PODXL2: variants seen among roughly 807,000 people sequenced by gnomAD.
The protein encoded by PODXL2 is podocalyxin like 2.
In PODXL2, 17 loss-of-function variants were observed where a neutral mutation model predicts 53.4. The ratio of observed to expected loss-of-function variants is 0.32; its 90% confidence interval spans 0.22 to 0.48. The LOEUF (loss-of-function observed/expected upper bound fraction) is 0.48. Among genes scored for constraint, PODXL2 ranks in the 20% least tolerant of loss-of-function variants. The pLI, the probability that PODXL2 is intolerant of heterozygous loss-of-function variation, is 0.99. For synonymous variants in PODXL2, 311 were observed against 306.7 expected, an observed-to-expected ratio of 1.01 and a Z score of -0.15; for missense variants, 673 against 760.0, an observed-to-expected ratio of 0.89 and a Z score of 1.35.
intron 1 of PODXL2, among the ~76,000 whole-genome samples, chr3:127,638,025 T>C (rs1054756570): frequency 6.6e-6 from 1 of 151,884 alleles, no homozygotes; most frequent in Non-Finnish European, 1.5e-5. Context: ...AGAGGAAGAC[T>C]GTGAAATTCC....
intron 4 of PODXL2, 63 bp downstream of exon 4, chr3:127,662,374 A>G (rs548712293): frequency 1.5e-6 from 2 of 1,362,900 alleles, no homozygotes; most frequent in African/African-American, 2.8e-5. Flanking sequence ...AGGGTGGGGC[A>G]GAGGGCAGGC....
intron 3 of PODXL2, 45 bp from the exon 4 acceptor site, chr3:127,662,192 C>G: frequency 1.3e-6 from 2 of 1,554,194 alleles, no homozygotes; most frequent in Non-Finnish European, 1.8e-6. Context: ...TGTCCCTTTC[C>G]TATGCCTTCG....
chr3:127,657,560 G>A (rs922621457), intron 2 of PODXL2, among the ~76,000 whole-genome samples: 8 of 152,120 alleles, frequency 5.3e-5, no homozygotes, highest in Non-Finnish European at 1.0e-4. Flanking sequence ...TGTCATCACC[G>A]CCATGCATCT....
chr3:127,641,312 C>T (rs1196201225), intron 2 of PODXL2, among the ~76,000 whole-genome samples: 3 of 152,088 alleles, frequency 2.0e-5, no homozygotes, highest in Admixed American at 6.5e-5. Context: ...TGGGCTCAAG[C>T]GATCCTCCCA....
chr3:127,632,200 G>A (rs768547748), intron 1 of PODXL2, among the ~76,000 whole-genome samples: 1 of 152,228 alleles, frequency 6.6e-6, no homozygotes, highest in African/African-American at 2.4e-5. Context: ...GACCTGGAGA[G>A]GGCAGAGCAG....
intron 4 of PODXL2, among the ~76,000 whole-genome samples, chr3:127,667,463 G>A (rs969146516): frequency 6.6e-6 from 1 of 152,240 alleles, no homozygotes; most frequent in Non-Finnish European, 1.5e-5. Flanking sequence ...ATGTGTGACT[G>A]TGCATGTTCA....
intron 4 of PODXL2, among the ~76,000 whole-genome samples, chr3:127,663,258 TC>T (rs897719488): frequency 2.0e-5 from 3 of 152,172 alleles, no homozygotes; most frequent in African/African-American, 7.2e-5. Context: ...GGGCCCCTAT[TC>T]CGGGGCATCT....
intron 4 of PODXL2, among the ~76,000 whole-genome samples, chr3:127,663,839 T>G (rs867110487): frequency 7.2e-5 from 11 of 152,330 alleles, no homozygotes; most frequent in South Asian, 6.2e-4. Context: ...TGTGCATACT[T>G]GAACAATACA....
chr3:127,655,795 GAGA>G (rs1672488682), intron 2 of PODXL2, among the ~76,000 whole-genome samples: 1 of 152,262 alleles, frequency 6.6e-6, no homozygotes, highest in African/African-American at 2.4e-5. Flanking sequence ...AGGAGCTCTG[GAGA>G]AGATGTAAAT....
chr3:127,669,077 AGCCCTTG>A, intron 5 of PODXL2, 57 bp from the exon 6 acceptor site: 1 of 1,114,438 alleles, frequency 9.0e-7, no homozygotes, highest in South Asian at 1.4e-5. Flanking sequence ...GCGGGGCCAG[AGCCCTTG>A]GAGGGGCACG....
At chr3:127,651,242 G>A (rs897216036) in intron 2 of PODXL2, among the ~76,000 whole-genome samples, 6 of 152,190 alleles carry the variant, frequency 3.9e-5, no homozygotes, top group African/African-American at 1.2e-4. Flanking sequence ...CAGCCTGGGC[G>A]ACAGACTAAG....
At chr3:127,659,898 G>T (rs1576433205) in intron 2 of PODXL2, among the ~76,000 whole-genome samples, 1 of 152,186 alleles carries the variant, frequency 6.6e-6, no homozygotes, top group Non-Finnish European at 1.5e-5. Context: ...TAATTGAGGG[G>T]TCTCACTTCC....
At chr3:127,650,150 T>TC (rs2074679576) in intron 2 of PODXL2, among the ~76,000 whole-genome samples, 1 of 152,226 alleles carries the variant, frequency 6.6e-6, no homozygotes, top group Non-Finnish European at 1.5e-5. Context: ...TATGCCTGTT[T>TC]TAATTCTGTC....
chr3:127,661,993 C>A (rs1183530596), intron 3 of PODXL2, among the ~76,000 whole-genome samples: 1 of 152,160 alleles, frequency 6.6e-6, no homozygotes, highest in African/African-American at 2.4e-5. Context: ...TCCCCTACTT[C>A]CTGGGAATAA....
At chr3:127,671,834 G>T (rs920146716) in intron 7 of PODXL2, among the ~76,000 whole-genome samples, 1 of 152,220 alleles carries the variant, frequency 6.6e-6, no homozygotes, top group Non-Finnish European at 1.5e-5. Context: ...CCCACCAGGG[G>T]GCCCCTCCCT....
In PODXL2 at chr3:127,660,427, C is replaced by T. The variant is rs920232; in HGVS notation, c.399C>T (p.Thr133=). The stretch of plus-strand genomic sequence containing the variant: ...AGAAGGCAGGTTCCATTGAAGACAC[C>T]AGCCAGGCTCAAGAGCTGCCAAACC... ...LTEKAGSIED[T]SQAQELPNLP... Residue 133 remains threonine, a synonymous_variant, in exon 3 of 8, where the codon ACC becomes ACT. Coordinates refer to ENST00000342480, the MANE Select transcript of PODXL2 (RefSeq NM_015720.4). The T allele has an allele frequency of 0.16, 258,092 of 1,613,424 alleles. 21,202 individuals are homozygous for T. The highest frequency in any genetic ancestry group is 0.19 in the East Asian group (8,634 of 44,858).
chr3:127,660,143 C>T (rs934873916), intron 2 of PODXL2, among the ~76,000 whole-genome samples: 1 of 152,142 alleles, frequency 6.6e-6, no homozygotes, highest in African/African-American at 2.4e-5. Flanking sequence ...TTCTACATTC[C>T]TGTGTTCATT....
At chr3:127,657,910 C>T (rs2074736243) in intron 2 of PODXL2, among the ~76,000 whole-genome samples, 1 of 152,172 alleles carries the variant, frequency 6.6e-6, no homozygotes, top group Admixed American at 6.5e-5. Flanking sequence ...CCTCCTGAAT[C>T]TTTCTGAAGA....
At chr3:127,659,437 C>G (rs1396466218) in intron 2 of PODXL2, among the ~76,000 whole-genome samples, 1 of 152,008 alleles carries the variant, frequency 6.6e-6, no homozygotes, top group Admixed American at 6.6e-5. Flanking sequence ...AAATGAATAC[C>G]TTTAGTTCGC....
Sources: allele counts gnomAD v4.1 joint callset (sites outside exome capture counted in the v4.1 genomes callset), GRCh38; gene constraint gnomAD v4.1.1; transcripts MANE v1.5; gene names NCBI Gene and HGNC (gene_info 2026-07-23, HGNC 2026-07-21).